The following SYT1 variants were observed in gnomAD, a reference collection of about 807,000 sequenced individuals.
The protein encoded by SYT1 is synaptotagmin-1.
A neutral mutation model predicts 44.8 loss-of-function variants in SYT1; 8 were observed. The observed-to-expected ratio is 0.18, with a 90% CI of 0.10 to 0.32. SYT1 has a LOEUF of 0.32. Among genes scored for constraint, SYT1 ranks in the 10% least tolerant of loss-of-function variants. SYT1 has a pLI of 1.00. For synonymous variants in SYT1, 154 were observed against 188.8 expected, an observed-to-expected ratio of 0.82 and a Z score of 1.51; for missense variants, 286 against 509.3, an observed-to-expected ratio of 0.56 and a Z score of 4.22.
chr12:79,293,248 C>G (rs57103713), intron 6 of SYT1, among the ~76,000 whole-genome samples: 3 of 150,382 alleles, frequency 2.0e-5, no homozygotes, highest in African/African-American at 7.4e-5. Context: ...GGTGTGAACC[C>G]GGGAGGCAGA....
rs17046371 is a variant in SYT1 at position 79,099,867 on chromosome 12, C to T, written c.-18+52505C>T. Among the ~76,000 whole-genome samples, 1,412 of 152,122 alleles carry T rather than the reference C, an allele frequency of 9.3e-3. 28 individuals carry two copies. The highest frequency in any genetic ancestry group is 0.032 in the African/African-American group (1,320 of 41,504). On this transcript the variant is annotated intron_variant, in intron 3 of 10. Coordinates refer to ENST00000261205, the MANE Select transcript of SYT1 (RefSeq NM_005639.3). ...GCACTAATACTCTGTACTCCTAATC[C>T]GGATCCTCTAAATTAGAATCCCAGG...
intron 3 of SYT1, among the ~76,000 whole-genome samples, chr12:79,073,723 G>A (rs777093523): frequency 1.3e-5 from 2 of 152,076 alleles, no homozygotes; most frequent in African/African-American, 2.4e-5. Flanking sequence ...ATTTGTTGTT[G>A]GCCAGAATTA....
At chr12:79,070,568 A>T (rs1876198615) in intron 3 of SYT1, among the ~76,000 whole-genome samples, 1 of 152,050 alleles carries the variant, frequency 6.6e-6, no homozygotes, top group South Asian at 2.1e-4. Flanking sequence ...TATTTCCAAC[A>T]CCAATTTTTT....
intron 1 of SYT1, among the ~76,000 whole-genome samples, chr12:78,923,703 C>CTG (rs200298445): frequency 0.028 from 4,087 of 146,104 alleles, 176 homozygotes; most frequent in East Asian, 0.18. Context: ...CTCTCTCTCT[C>CTG]TCTCTCTGTG....
intron 3 of SYT1, among the ~76,000 whole-genome samples, chr12:79,125,451 CAAA>C (rs61296536): frequency 1.0e-5 from 1 of 99,038 alleles, no homozygotes; most frequent in East Asian, 2.9e-4. Flanking sequence ...ACTGTCTCTA[CAAA>C]AAAAAAAAAA....
chr12:79,092,684 C>A (rs1208690749), intron 3 of SYT1, among the ~76,000 whole-genome samples: 2 of 151,422 alleles, frequency 1.3e-5, no homozygotes, highest in Admixed American at 1.3e-4. Flanking sequence ...GAATTCTTAC[C>A]CAGTCAAATA....
rs372070325 is a variant in SYT1, at chr12:79,110,242, T to A, written c.-18+62880T>A. On this transcript the variant is annotated intron_variant, in intron 3 of 10. Coordinates refer to ENST00000261205, the MANE Select transcript of SYT1 (RefSeq NM_005639.3). ...GGAATAGCTAGAGATGTAGGAAAAT[T>A]TTTATTGATTGGAAAAAAAAAAGTG... Among the ~76,000 whole-genome samples the A allele has an allele frequency of 1.2e-4, 19 of 152,220 alleles. No homozygotes were observed. In the South Asian group the frequency reaches 3.9e-3, roughly 32 times the overall value.
Position 79,450,655 on chromosome 12 carries a change from G to A in SYT1, c.*1531G>A, listed in dbSNP as rs1225729710. ...ACTCAATTTATTCCGTAGTGATATTGTAACAATACTGCCATTCCCTTCTAC... is the reference window on the plus strand; with the variant it reads ...ACTCAATTTATTCCGTAGTGATATTATAACAATACTGCCATTCCCTTCTAC... On this transcript the variant is annotated 3_prime_UTR_variant, in exon 11 of 11. Transcript: ENST00000261205. 1 of 152,648 alleles carries A rather than the reference G, an allele frequency of 6.6e-6. No individual in the cohort carries two copies. Among genetic ancestry groups the A allele is most frequent in the African/African-American group, 2.4e-5 (1 of 41,446 alleles). 9.5% of individuals were successfully genotyped at this position (152,648 alleles called of 1,614,324 possible).
chr12:78,891,823 G>A, intron 1 of SYT1, among the ~76,000 whole-genome samples: 1 of 151,890 alleles, frequency 6.6e-6, no homozygotes, highest in East Asian at 2.0e-4. Context: ...GCTAAGTAAT[G>A]GGTGGCAAAA....
At chr12:79,265,452 T>C (rs1363183467) in intron 4 of SYT1, among the ~76,000 whole-genome samples, 1 of 152,168 alleles carries the variant, frequency 6.6e-6, no homozygotes, top group African/African-American at 2.4e-5. Context: ...TAAAATTATT[T>C]CATTTAAATT....
chr12:79,430,771 G>A (rs1386266184), intron 9 of SYT1, among the ~76,000 whole-genome samples: 3 of 152,214 alleles, frequency 2.0e-5, no homozygotes, highest in East Asian at 3.9e-4. Flanking sequence ...GGGCAACAGA[G>A]CAAGACTCTT....
intron 1 of SYT1, among the ~76,000 whole-genome samples, chr12:78,880,883 A>G (rs184747595): frequency 8.2e-4 from 125 of 151,772 alleles, no homozygotes; most frequent in Non-Finnish European, 1.5e-3. Flanking sequence ...ATTTTCTGTC[A>G]TCATCCAATC....
intron 1 of SYT1, among the ~76,000 whole-genome samples, chr12:78,950,373 G>T (rs370234622): frequency 6.6e-6 from 1 of 152,016 alleles, no homozygotes; most frequent in East Asian, 1.9e-4. Context: ...ATATGTAAAT[G>T]AACAATCATG....
At chr12:79,139,332 C>CT (rs1869408307) in intron 3 of SYT1, among the ~76,000 whole-genome samples, 1 of 152,148 alleles carries the variant, frequency 6.6e-6, no homozygotes. Flanking sequence ...TCTGAACTCA[C>CT]CATGCTTGAA....
At chr12:79,382,089 C>T (rs1884246703) in intron 9 of SYT1, among the ~76,000 whole-genome samples, 2 of 152,068 alleles carry the variant, frequency 1.3e-5, no homozygotes, top group African/African-American at 2.4e-5. Context: ...TTCAATCAGT[C>T]GTCAGGGTAC....
intron 1 of SYT1, among the ~76,000 whole-genome samples, chr12:78,912,267 G>A (rs182200125): frequency 9.3e-4 from 140 of 151,152 alleles, no homozygotes; most frequent in African/African-American, 2.2e-4. Context: ...TGTTTATTCC[G>A]TACTGTACAA....
chr12:79,362,299 AT>A (rs769436888), intron 9 of SYT1, among the ~76,000 whole-genome samples: 2 of 152,234 alleles, frequency 1.3e-5, no homozygotes, highest in African/African-American at 2.4e-5. Context: ...AAGCTAAAAA[AT>A]AATACACTAA....
At chr12:79,005,764 A>T (rs1871037059) in intron 2 of SYT1, among the ~76,000 whole-genome samples, 1 of 152,108 alleles carries the variant, frequency 6.6e-6, no homozygotes, top group Admixed American at 6.6e-5. Context: ...TAAAATTGTC[A>T]GAGTTCCAAA....
chr12:78,970,113 G>T (rs1234673609), intron 1 of SYT1, among the ~76,000 whole-genome samples: 1 of 152,130 alleles, frequency 6.6e-6, no homozygotes, highest in African/African-American at 2.4e-5. Flanking sequence ...TGGAAATTGA[G>T]AGAAAAAGGT....
Sources: allele counts gnomAD v4.1 joint callset (sites outside exome capture counted in the v4.1 genomes callset), GRCh38; gene constraint gnomAD v4.1.1; transcripts MANE v1.5; gene names NCBI Gene and HGNC (gene_info 2026-07-23, HGNC 2026-07-21).